The following ANAPC4 variants were observed in gnomAD, a reference collection of about 807,000 sequenced individuals.
The protein encoded by ANAPC4 is anaphase promoting complex subunit 4.
ANAPC4 carries 63 observed loss-of-function variants against 119.8 expected under a neutral mutation model. The observed-to-expected ratio is 0.53, with a 90% confidence interval of 0.43 to 0.65. The LOEUF (loss-of-function observed/expected upper bound fraction) is 0.65, where lower values mean the gene tolerates loss of function less well. ANAPC4 is among the 30% of genes least tolerant of loss of function. The pLI is 0.00. For synonymous variants in ANAPC4, 283 were observed against 318.6 expected, an observed-to-expected ratio of 0.89 and a Z score of 1.19; for missense variants, 716 against 945.1, an observed-to-expected ratio of 0.76 and a Z score of 3.18.
chr4:25,407,023 T>A, intron 19 of ANAPC4, 138 bp downstream of exon 19: 1 of 897,474 alleles, frequency 1.1e-6, no homozygotes. Flanking sequence ...GAACTAATTA[T>A]GTTTATAAAC....
intron 27 of ANAPC4, 98 bp downstream of exon 27, chr4:25,416,696 T>G: frequency 9.7e-7 from 1 of 1,027,478 alleles, no homozygotes; most frequent in Non-Finnish European, 1.3e-6. Flanking sequence ...AATGGTTATT[T>G]CGTTACTAGA....
chr4:25,396,823 A>G (rs1326736658), intron 15 of ANAPC4, 25 bp from the exon 16 acceptor site: 3 of 1,609,124 alleles, frequency 1.9e-6, no homozygotes, highest in Admixed American at 1.7e-5. Context: ...TTGACAAATG[A>G]CGTTTATTTA....
intron 4 of ANAPC4, 114 bp downstream of exon 4, chr4:25,383,507 T>C: frequency 1.9e-6 from 2 of 1,057,354 alleles, no homozygotes; most frequent in Non-Finnish European, 2.5e-6. Flanking sequence ...TAAATTTTGG[T>C]TTCAGTTTAT....
intron 7 of ANAPC4, among the ~76,000 whole-genome samples, chr4:25,389,824 T>C (rs1722246175): frequency 6.6e-6 from 1 of 152,242 alleles, no homozygotes; most frequent in Non-Finnish European, 1.5e-5. Flanking sequence ...GATGGCACTT[T>C]GTATTAGTTG....
At chr4:25,413,941 G>GTGTA (rs1489869827) in intron 22 of ANAPC4, 199 bp downstream of exon 22, 1 of 531,352 alleles carries the variant, frequency 1.9e-6, no homozygotes, top group Middle Eastern at 4.8e-4. Context: ...GTGTGTGTGT[G>GTGTA]TGTGTGTGTG....
At chr4:25,407,924 A>G (rs1723350508) in intron 20 of ANAPC4, among the ~76,000 whole-genome samples, 3 of 152,280 alleles carry the variant, frequency 2.0e-5, no homozygotes, top group Middle Eastern at 3.4e-3. Flanking sequence ...AAAAAAGAAT[A>G]TACCCATTAC....
chr4:25,377,597 C>A, intron 2 of ANAPC4, 41 bp downstream of exon 2: 1 of 1,539,968 alleles, frequency 6.5e-7, no homozygotes, highest in South Asian at 1.2e-5. Context: ...TGGGTCTGCT[C>A]CCGGGGGGCC....
chr4:25,399,174 C>T (rs553050147), intron 16 of ANAPC4, among the ~76,000 whole-genome samples: 170 of 152,116 alleles, frequency 1.1e-3, no homozygotes, highest in Middle Eastern at 3.4e-3. Flanking sequence ...TACTTTAGTG[C>T]GTATTTTCTA....
rs1723763581 is a variant in ANAPC4, at chr4:25,414,680, G to A, written c.1806G>A (p.Arg602=). ...EDSLYKMCIL[R]RHTDISQSVS... ...CACTTTATAAAATGTGCATCTTAAG[G>A]AGACATACTGATATTTCTCAGTAAG... The change falls in exon 25 of 29, where the codon AGG becomes AGA. Residue 602 remains arginine (R), a synonymous_variant. Transcript: ENST00000315368. 6.5e-7 allele frequency: 1 copy of A among 1,530,514 alleles called. No homozygotes were observed. 94.8% of individuals were successfully genotyped at this position (1,530,514 alleles called of 1,614,324 possible). A position where few individuals can be genotyped will look rare whatever the true frequency, so the allele number is the denominator to read the frequency against.
At chr4:25,390,847 C>A in intron 8 of ANAPC4, 64 bp from the exon 9 acceptor site, 2 of 1,263,958 alleles carry the variant, frequency 1.6e-6, no homozygotes, top group Non-Finnish European at 2.2e-6. Flanking sequence ...TTGCTTTCTG[C>A]ATGATAATCA....
chr4:25,378,831 G>C (rs993030561), intron 2 of ANAPC4, among the ~76,000 whole-genome samples: 1 of 152,220 alleles, frequency 6.6e-6, no homozygotes, highest in Non-Finnish European at 1.5e-5. Context: ...TCTCCGTTCT[G>C]TTTGGCTGTG....
At chr4:25,377,625 A>G in intron 2 of ANAPC4, 69 bp downstream of exon 2, 1 of 1,519,452 alleles carries the variant, frequency 6.6e-7, no homozygotes, top group Non-Finnish European at 8.8e-7. Flanking sequence ...ACCGAGCCCG[A>G]GCCTGTTCAT....
intron 14 of ANAPC4, chr4:25,395,141 T>G (rs1722575732): frequency 2.6e-6 from 1 of 390,806 alleles, no homozygotes; most frequent in Non-Finnish European, 4.5e-6. Flanking sequence ...TATCTGGGTT[T>G]TTTTCTTAAT....
chr4:25,403,056 T>C, intron 17 of ANAPC4, 30 bp downstream of exon 17: 3 of 1,522,066 alleles, frequency 2.0e-6, no homozygotes, highest in Non-Finnish European at 9.0e-7. Flanking sequence ...CATTTTTATT[T>C]TAACACTTTA....
Position 25,414,707 on chromosome 4 carries a change from A to G in ANAPC4, c.1826+7A>G. The G allele has an allele frequency of 1.3e-6, 2 of 1,499,888 alleles. No homozygotes were observed. Among genetic ancestry groups the G allele is most frequent in the Non-Finnish European group, 1.8e-6 (2 of 1,116,144 alleles). 92.9% of individuals were successfully genotyped at this position (1,499,888 alleles called of 1,614,324 possible). A position where few individuals can be genotyped will look rare whatever the true frequency, so the allele number is the denominator to read the frequency against. On this transcript the variant is annotated splice_region_variant and intron_variant, in intron 25 of 28. Coordinates refer to ENST00000315368, the MANE Select transcript of ANAPC4 (RefSeq NM_013367.3). Reference sequence around the variant, plus strand: ...GACATACTGATATTTCTCAGTAAGTATTAATCTGAAGTTTGAATCAAAGAG... The same window carrying G: ...GACATACTGATATTTCTCAGTAAGTGTTAATCTGAAGTTTGAATCAAAGAG...
At chr4:25,406,980 G>A (rs1455093568) in intron 19 of ANAPC4, 95 bp downstream of exon 19, 1 of 1,040,752 alleles carries the variant, frequency 9.6e-7, no homozygotes. Context: ...CAATTTAATT[G>A]AAGTCTATAG....
Position 25,390,225 on chromosome 4 carries a change from GATTT to G in ANAPC4, c.600+6_600+9del, listed in dbSNP as rs1412398967. 1.3e-6 allele frequency: 2 copies of G among 1,597,692 alleles called. No individual in the cohort carries two copies. Among genetic ancestry groups the G allele is most frequent in the African/African-American group, 2.7e-5 (2 of 74,364 alleles). On this transcript the variant is annotated splice_donor_region_variant and intron_variant, in intron 8 of 28. Coordinates refer to ENST00000315368, the MANE Select transcript of ANAPC4 (RefSeq NM_013367.3). ...AAAATTGCTCGAGTCACAGGGGTAA[GATTT>G]CTTTAACATTTTCTCTTCCTAAATT...
intron 14 of ANAPC4, chr4:25,395,191 C>CT (rs1158123657): frequency 9.9e-5 from 24 of 241,616 alleles, no homozygotes; most frequent in South Asian, 1.2e-4. Flanking sequence ...AGGCATATAT[C>CT]TTTTTTTTGA....
chr4:25,380,758 T>C (rs1318915783), intron 3 of ANAPC4: 4 of 284,022 alleles, frequency 1.4e-5, no homozygotes, highest in Non-Finnish European at 2.6e-5. Context: ...GTTTTGGTTT[T>C]GTTCTTTCCA....
Sources: allele counts gnomAD v4.1 joint callset (sites outside exome capture counted in the v4.1 genomes callset), GRCh38; gene constraint gnomAD v4.1.1; transcripts MANE v1.5; gene names NCBI Gene and HGNC (gene_info 2026-07-23, HGNC 2026-07-21).